The following POLDIP3 variants were observed in gnomAD, a reference collection of about 807,000 sequenced individuals.
POLDIP3 encodes polymerase delta-interacting protein 3.
POLDIP3 carries 14 observed loss-of-function variants against 45.1 expected under a neutral mutation model. The ratio of observed to expected loss-of-function variants is 0.31; its 90% CI spans 0.20 to 0.49. POLDIP3 has a LOEUF of 0.49. Among genes scored for constraint, POLDIP3 ranks in the 20% least tolerant of loss-of-function variants. The pLI, the probability that POLDIP3 is intolerant of heterozygous loss-of-function variation, is 0.99. For missense variants in POLDIP3, 511 were observed against 538.8 expected (o/e 0.95, Z 0.51); for synonymous variants, 223 against 205.2 (o/e 1.09, Z -0.74).
At chr22:42,607,444 A>ATC (rs1926810021) in intron 1 of POLDIP3, among the ~76,000 whole-genome samples, 1 of 152,124 alleles carries the variant, frequency 6.6e-6, no homozygotes, top group African/African-American at 2.4e-5. Flanking sequence ...CAGTGGAGTG[A>ATC]TCTCGGCTCG....
At chr22:42,607,123 C>CAT (rs1926780204) in intron 1 of POLDIP3, among the ~76,000 whole-genome samples, 1 of 152,160 alleles carries the variant, frequency 6.6e-6, no homozygotes, top group Non-Finnish European at 1.5e-5. Context: ...AAAAAATTCC[C>CAT]TCCCCCTCCC....
At position 42,584,819 on chromosome 22, in the gene POLDIP3, T is replaced by C. The variant is rs1388125962; in HGVS notation, c.*972A>G. 4 of 443,766 alleles carry C rather than the reference T, an allele frequency of 9.0e-6. No homozygotes were observed. Among genetic ancestry groups the C allele is most frequent in the Non-Finnish European group, 1.8e-5 (4 of 221,910 alleles). The allele number at this position is 443,766 out of a possible 1,614,324, so 27.5% of individuals were successfully genotyped here. A position where few individuals can be genotyped will look rare whatever the true frequency, so the allele number is the denominator to read the frequency against. ...CTGGATATATGCCTCCAGGCATCCC[T>C]GACCACTGTCCTGTAGACAACTGAG... On this transcript the variant is annotated 3_prime_UTR_variant, in exon 9 of 9. Coordinates refer to ENST00000252115, the MANE Select transcript of POLDIP3 (RefSeq NM_032311.5).
chr22:42,607,857 A>G (rs1342566938), intron 1 of POLDIP3, among the ~76,000 whole-genome samples: 3 of 142,608 alleles, frequency 2.1e-5, no homozygotes, highest in African/African-American at 8.1e-5. Flanking sequence ...GGAAGTGAGG[A>G]GCCCCTCCGC....
chr22:42,598,047 G>T (rs1464757720), intron 4 of POLDIP3, among the ~76,000 whole-genome samples: 1 of 151,042 alleles, frequency 6.6e-6, no homozygotes, highest in Non-Finnish European at 1.5e-5. Context: ...CAAAGTGCTG[G>T]GATTACAGGC....
chr22:42,605,080 T>C (rs182756354), intron 1 of POLDIP3, among the ~76,000 whole-genome samples: 19 of 152,358 alleles, frequency 1.2e-4, no homozygotes. Context: ...AGCATCCTGA[T>C]CCTGGACTTC....
At chr22:42,586,266 A>G (rs928260070) in intron 8 of POLDIP3, among the ~76,000 whole-genome samples, 4 of 151,202 alleles carry the variant, frequency 2.6e-5, no homozygotes, top group Admixed American at 6.6e-5. Flanking sequence ...TATGTGGCCC[A>G]GGCTGTGTTT....
At chr22:42,611,984 T>C (rs1013130511) in intron 1 of POLDIP3, among the ~76,000 whole-genome samples, 1 of 152,264 alleles carries the variant, frequency 6.6e-6, no homozygotes, top group Non-Finnish European at 1.5e-5. Flanking sequence ...CCACTGGATC[T>C]AGTTTTTCTT....
chr22:42,584,977 G>A lies in POLDIP3; in HGVS notation c.*814C>T, dbSNP rs1289684267. On this transcript the variant is annotated 3_prime_UTR_variant, in exon 9 of 9. Coordinates refer to ENST00000252115, the MANE Select transcript of POLDIP3 (RefSeq NM_032311.5). ...AGAGCTGGCGGCTACACAAAACCAG[G>A]GTGTGGTTAAGTGCCAGGCGAGGTG... The A allele has an allele frequency of 6.6e-6, 3 of 456,292 alleles. No homozygotes were observed. Among genetic ancestry groups the A allele is most frequent in the African/African-American group, 6.0e-5 (3 of 50,194 alleles). 28.3% of individuals were successfully genotyped at this position (456,292 alleles called of 1,614,324 possible).
chr22:42,612,429 T>C (rs1256122149), intron 1 of POLDIP3, among the ~76,000 whole-genome samples: 1 of 152,244 alleles, frequency 6.6e-6, no homozygotes, highest in African/African-American at 2.4e-5. Context: ...AGAGTCCCAG[T>C]GCTCACCTAT....
At chr22:42,599,259 TC>T (rs1246260047) in intron 4 of POLDIP3, among the ~76,000 whole-genome samples, 1 of 152,234 alleles carries the variant, frequency 6.6e-6, no homozygotes, top group Non-Finnish European at 1.5e-5. Context: ...ATGGACTAGT[TC>T]CAGCTCTGAA....
chr22:42,597,666 G>A, intron 4 of POLDIP3: 1 of 467,970 alleles, frequency 2.1e-6, no homozygotes, highest in Non-Finnish European at 4.4e-6. Context: ...TAGGGATAGA[G>A]ACTCACTGAG....
chr22:42,595,485 T>C (rs1925928267), intron 6 of POLDIP3, 52 bp downstream of exon 6: 1 of 1,548,492 alleles, frequency 6.5e-7, no homozygotes, highest in Non-Finnish European at 8.9e-7. Flanking sequence ...TAAGAGACCT[T>C]TGCCACAGAG....
chr22:42,603,155 T>A lies in POLDIP3; in HGVS notation c.65A>T (p.Asn22Ile), dbSNP rs775911662. 2 of 1,613,436 alleles carry A rather than the reference T, an allele frequency of 1.2e-6. No homozygotes were observed. The highest frequency in any genetic ancestry group is 1.1e-5 in the South Asian group (1 of 91,074). ...KRGAAAKGRL[N>I]ARPGVGGVRS... ...GACACCTCCAACTCCCGGTCTGGCA[T>A]TAAGCCTGTAAATATAAATTGCAAT... Residue 22 changes from asparagine (N) to isoleucine (I), a missense_variant, in exon 2 of 9, where the codon AAT becomes ATT. Around this residue, in one of 4 missense-constraint regions of POLDIP3, gnomAD observed 378 missense variants for 352.3 expected, o/e 1.07. Transcript: ENST00000252115.
Position 42,607,256 on chromosome 22 carries a change from C to T in POLDIP3, c.60-4096G>A, listed in dbSNP as rs189239106. 7.0e-3 allele frequency among the ~76,000 whole-genome samples: 1,061 copies of T among 152,348 alleles called. 13 individuals carry two copies. The highest frequency in any genetic ancestry group is 0.025 in the African/African-American group (1,021 of 41,582). On this transcript the variant is annotated intron_variant, in intron 1 of 8. Coordinates refer to ENST00000252115, the MANE Select transcript of POLDIP3 (RefSeq NM_032311.5). Reference sequence around the variant, plus strand: ...CCTGCCGAGTGCCTGGGATTGCAGGCGCGCACCGCCATGCCTGACTGGTTT... The same window carrying T: ...CCTGCCGAGTGCCTGGGATTGCAGGTGCGCACCGCCATGCCTGACTGGTTT...
intron 3 of POLDIP3, among the ~76,000 whole-genome samples, chr22:42,601,491 G>A (rs1387036223): frequency 3.3e-5 from 5 of 152,032 alleles, no homozygotes; most frequent in Non-Finnish European, 5.9e-5. Flanking sequence ...GGCTGGGTGT[G>A]GTGGCTCACG....
Position 42,591,968 on chromosome 22 carries a change from G to A in POLDIP3, c.1008C>T (p.Asn336=). The change falls in exon 7 of 9, where the codon AAC becomes AAT. Residue 336 remains asparagine (N), a synonymous_variant. Coordinates refer to ENST00000252115, the MANE Select transcript of POLDIP3 (RefSeq NM_032311.5). Reference sequence around the variant, plus strand: ...TCCCTAACTTACCGTCCAGACACCGGTTGTTGTACTTCTTATATGCGGTGA... The same window carrying A: ...TCCCTAACTTACCGTCCAGACACCGATTGTTGTACTTCTTATATGCGGTGA... ...DAITAYKKYN[N]RCLDGQPMKC... 1.2e-6 allele frequency: 2 copies of A among 1,614,192 alleles called. No homozygotes were observed. The highest frequency in any genetic ancestry group is 8.5e-7 in the Non-Finnish European group (1 of 1,180,028).
chr22:42,607,249 T>C (rs1304733868), intron 1 of POLDIP3, among the ~76,000 whole-genome samples: 2 of 152,234 alleles, frequency 1.3e-5, no homozygotes, highest in African/African-American at 2.4e-5. Context: ...GTGCCTGGGA[T>C]TGCAGGCGCG....
At chr22:42,614,484 G>A (rs1445019862) in intron 1 of POLDIP3, among the ~76,000 whole-genome samples, 2 of 152,198 alleles carry the variant, frequency 1.3e-5, no homozygotes, top group Non-Finnish European at 2.9e-5. Flanking sequence ...CAGGCAAGGA[G>A]GCTGCGCCGC....
intron 1 of POLDIP3, 148 bp from the exon 2 acceptor site, chr22:42,603,308 C>T (rs1926520924): frequency 1.3e-6 from 1 of 790,266 alleles, no homozygotes; most frequent in African/African-American, 1.7e-5. Flanking sequence ...ACGATTATGC[C>T]TACATGATGA....
Sources: gnomAD v4.1 joint callset for allele counts (sites outside exome capture counted in the v4.1 genomes callset) on GRCh38, gnomAD v4.1.1 for gene constraint, gnomAD v4.1.1 regional missense constraint, MANE v1.5 for transcripts, NCBI Gene and HGNC (gene_info 2026-07-23, HGNC 2026-07-21) for gene names.